KDM4C: variants seen among roughly 807,000 people sequenced by gnomAD.
KDM4C encodes the protein lysine-specific demethylase 4C.
A neutral mutation model predicts 129.3 loss-of-function variants in KDM4C; 81 were observed. The ratio of observed to expected loss-of-function variants is 0.63; its 90% CI spans 0.52 to 0.75. The LOEUF is 0.75. KDM4C is among the 30% of genes least tolerant of loss of function. The pLI, the probability that KDM4C is intolerant of heterozygous loss-of-function variation, is 0.00. For missense variants in KDM4C, 1,457 were observed against 1,304.0 expected, an observed-to-expected ratio of 1.12 and a Z score of -1.81; for synonymous variants, 573 against 456.1, an observed-to-expected ratio of 1.26 and a Z score of -3.26.
chr9:6,935,688 A>C (rs1378210204), intron 8 of KDM4C, among the ~76,000 whole-genome samples: 1 of 152,036 alleles, frequency 6.6e-6, no homozygotes, highest in Non-Finnish European at 1.5e-5. Context: ...ATCATCCAAA[A>C]CTTCGTTTTT....
rs1167442971 is a variant in KDM4C, at chr9:6,961,102, A to G, written c.922-19823A>G. Among the ~76,000 whole-genome samples the G allele has an allele frequency of 2.0e-5, 3 of 152,314 alleles. No individual in the cohort carries two copies. The East Asian group carries it at 5.8e-4, about 29-fold the overall frequency. ...GTAGTGCCTCTTGAATAGCCACACAAGTTTGTTTATATTATGTCAGCATTG... is the reference window on the plus strand; with the variant it reads ...GTAGTGCCTCTTGAATAGCCACACAGGTTTGTTTATATTATGTCAGCATTG... On this transcript the variant is annotated intron_variant, in intron 8 of 21. Transcript: ENST00000381309.
At chr9:7,066,779 T>A (rs1832478875) in intron 17 of KDM4C, among the ~76,000 whole-genome samples, 1 of 152,232 alleles carries the variant, frequency 6.6e-6, no homozygotes, top group Non-Finnish European at 1.5e-5. Flanking sequence ...TGTTTTAATG[T>A]ACACAGTAAA....
upstream of KDM4C, among the ~76,000 whole-genome samples, chr9:6,756,593 T>C (rs531789330): frequency 1.5e-3 from 230 of 152,330 alleles, no homozygotes; most frequent in African/African-American, 5.3e-3. Flanking sequence ...GGCGGGCGAC[T>C]GTAATCCCAG....
chr9:7,092,582 AC>A (rs1835928992), intron 17 of KDM4C, among the ~76,000 whole-genome samples: 1 of 152,196 alleles, frequency 6.6e-6, no homozygotes, highest in African/African-American at 2.4e-5. Context: ...ATGTAGCTAC[AC>A]TTAGAGGCAC....
At chr9:7,057,849 G>C (rs1186612675) in intron 17 of KDM4C, among the ~76,000 whole-genome samples, 1 of 152,138 alleles carries the variant, frequency 6.6e-6, no homozygotes, top group Non-Finnish European at 1.5e-5. Flanking sequence ...AAGATGAATA[G>C]GTTGATGTTC....
At position 7,049,170 on chromosome 9, in the gene KDM4C, A is replaced by C. The variant is rs1188527715; in HGVS notation, c.2394A>C (p.Val798=). The change falls in exon 17 of 22, where the codon GTA becomes GTC. Residue 798 remains valine, a synonymous_variant. Transcript: ENST00000381309. ...TNVPERTQID[V]GRIPLQRLKL... ...TCCCAGAAAGGACACAAATAGATGTAGGCAGAATACCTTTACAGAGGTTAA... is the reference window on the plus strand; with the variant it reads ...TCCCAGAAAGGACACAAATAGATGTCGGCAGAATACCTTTACAGAGGTTAA... 2.5e-6 allele frequency: 4 copies of C among 1,609,498 alleles called. No individual in the cohort carries two copies. The highest frequency in any genetic ancestry group is 3.4e-6 in the Non-Finnish European group (4 of 1,176,298).
chr9:7,158,615 G>A (rs918919528), intron 19 of KDM4C, among the ~76,000 whole-genome samples: 5 of 152,174 alleles, frequency 3.3e-5, no homozygotes, highest in Non-Finnish European at 5.9e-5. Flanking sequence ...AGTCATTCAG[G>A]AGCAGGTTGT....
chr9:6,783,970 C>T (rs1824921291), intron 1 of KDM4C, among the ~76,000 whole-genome samples: 1 of 151,988 alleles, frequency 6.6e-6, no homozygotes, highest in Non-Finnish European at 1.5e-5. Context: ...GGGGACATGA[C>T]ATACAGGAAG....
intron 8 of KDM4C, among the ~76,000 whole-genome samples, chr9:6,940,001 CCTTCCTTCCTT>C (rs1825606247): frequency 8.0e-6 from 1 of 125,544 alleles, no homozygotes; most frequent in Non-Finnish European, 1.8e-5. Context: ...TTCCTTCCTT[CCTTCCTTCCTT>C]CCTTCCTTCC....
intron 18 of KDM4C, among the ~76,000 whole-genome samples, chr9:7,118,610 A>G (rs1296855463): frequency 6.6e-6 from 1 of 152,216 alleles, no homozygotes; most frequent in Non-Finnish European, 1.5e-5. Flanking sequence ...CATAGAAATT[A>G]AGGATAAATA....
At chr9:6,883,506 G>A (rs757273335) in intron 6 of KDM4C, among the ~76,000 whole-genome samples, 1 of 152,136 alleles carries the variant, frequency 6.6e-6, no homozygotes, top group Admixed American at 6.5e-5. Flanking sequence ...TGATGTCAGT[G>A]ATATCACTGT....
chr9:6,829,597 C>G (rs1834467627), intron 4 of KDM4C, among the ~76,000 whole-genome samples: 1 of 152,188 alleles, frequency 6.6e-6, no homozygotes, highest in Non-Finnish European at 1.5e-5. Context: ...CTAGATGACT[C>G]CTACTTAGTG....
chr9:6,910,784 T>A (rs146643663), intron 8 of KDM4C, among the ~76,000 whole-genome samples: 1 of 152,208 alleles, frequency 6.6e-6, no homozygotes, highest in Non-Finnish European at 1.5e-5. Flanking sequence ...CAGTGTTGAT[T>A]GTGAAACTGA....
At chr9:7,134,194 AG>A (rs1268401710) in intron 19 of KDM4C, among the ~76,000 whole-genome samples, 11 of 152,142 alleles carry the variant, frequency 7.2e-5, no homozygotes, top group Admixed American at 5.9e-4. Context: ...TTCACTCTTT[AG>A]GGTTCTCTCG....
chr9:6,864,339 C>A (rs957480134), intron 5 of KDM4C, among the ~76,000 whole-genome samples: 1 of 152,208 alleles, frequency 6.6e-6, no homozygotes, highest in Non-Finnish European at 1.5e-5. Flanking sequence ...ACTTCTTGGC[C>A]TATATGATTT....
At chr9:6,785,108 CAA>C (rs1421593509) in intron 1 of KDM4C, among the ~76,000 whole-genome samples, 3 of 152,286 alleles carry the variant, frequency 2.0e-5, no homozygotes, top group Admixed American at 2.0e-4. Flanking sequence ...TGGTTTAAAA[CAA>C]GAGACGTCTA....
At chr9:7,117,436 A>G (rs1325847563) in intron 18 of KDM4C, among the ~76,000 whole-genome samples, 1 of 152,136 alleles carries the variant, frequency 6.6e-6, no homozygotes, top group East Asian at 1.9e-4. Flanking sequence ...TGCTTCTCTC[A>G]TTTGAAAGTG....
chr9:6,724,624 A>G (rs1817062752), intron 1 of KDM4C, among the ~76,000 whole-genome samples: 1 of 152,048 alleles, frequency 6.6e-6, no homozygotes, highest in Admixed American at 6.6e-5. Flanking sequence ...TCTGTCTCCC[A>G]GGTTCAAGCC....
intron 15 of KDM4C, among the ~76,000 whole-genome samples, chr9:7,019,790 T>TATATTTTTATATA (rs1200204003): frequency 1.2e-4 from 9 of 72,336 alleles, no homozygotes; most frequent in Non-Finnish European, 2.2e-4. Context: ...ATAAAAATAT[T>TATATTTTTATATA]TTAGAAGCAA....
Sources: allele counts gnomAD v4.1 joint callset (sites outside exome capture counted in the v4.1 genomes callset), GRCh38; gene constraint gnomAD v4.1.1; transcripts MANE v1.5; gene names NCBI Gene and HGNC (gene_info 2026-07-23, HGNC 2026-07-21).